Variants in ARHGAP6 observed in about 807,000 individuals in gnomAD.
ARHGAP6 encodes the protein rho GTPase-activating protein 6.
A neutral mutation model predicts 55.7 loss-of-function variants in ARHGAP6; 16 were observed. That is an observed-to-expected ratio of 0.29 (90% CI 0.19 to 0.44). The LOEUF (loss-of-function observed/expected upper bound fraction) is 0.44. Ranked by LOEUF, ARHGAP6 falls within the 20% of genes least tolerant of loss-of-function variation. ARHGAP6 has a pLI of 1.00. For missense variants in ARHGAP6, 698 were observed against 808.9 expected (o/e 0.86, Z 1.66); for synonymous variants, 382 against 360.9 (o/e 1.06, Z -0.66).
At chrX:11,561,681 C>T (rs1282904232) in intron 1 of ARHGAP6, among the ~76,000 whole-genome samples, 1 of 111,789 alleles carries the variant, frequency 8.9e-6, no homozygotes, top group Admixed American at 9.4e-5. Flanking sequence ...TGGCTATGAC[C>T]CCAAAGGAAA....
chrX:11,544,097 A>G (rs983492712), intron 1 of ARHGAP6, among the ~76,000 whole-genome samples: 1 of 112,251 alleles, frequency 8.9e-6, no homozygotes, highest in Non-Finnish European at 1.9e-5. Context: ...TCTTATATCT[A>G]GGCTGGTTCA....
chrX:11,319,629 A>G (rs2048406349), intron 1 of ARHGAP6, among the ~76,000 whole-genome samples: 1 of 112,533 alleles, frequency 8.9e-6, no homozygotes, highest in African/African-American at 3.2e-5. Flanking sequence ...AGTGTTAAAT[A>G]CTACACAAAA....
chrX:11,278,799 G>A (rs766518804), intron 1 of ARHGAP6, among the ~76,000 whole-genome samples: 2 of 110,909 alleles, frequency 1.8e-5, no homozygotes, highest in Admixed American at 9.6e-5. Flanking sequence ...ATCATAACTC[G>A]GAGTACCTCC....
chrX:11,152,372 G>T (rs989397931), intron 10 of ARHGAP6, among the ~76,000 whole-genome samples: 4 of 111,953 alleles, frequency 3.6e-5, no homozygotes, highest in African/African-American at 1.3e-4. Context: ...CCATCTGGCA[G>T]TTTAGGGTAC....
chrX:11,339,582 G>T (rs2048678889), intron 1 of ARHGAP6, among the ~76,000 whole-genome samples: 1 of 110,135 alleles, frequency 9.1e-6, no homozygotes, highest in Non-Finnish European at 1.9e-5. Flanking sequence ...TGAATAAATT[G>T]TTAATAATAC....
At chrX:11,357,752 G>C (rs985788920) in intron 1 of ARHGAP6, among the ~76,000 whole-genome samples, 3 of 111,606 alleles carry the variant, frequency 2.7e-5, no homozygotes, top group Non-Finnish European at 5.6e-5. Context: ...TATCCTACAA[G>C]TCATGAACAG....
intron 1 of ARHGAP6, among the ~76,000 whole-genome samples, chrX:11,300,220 C>A (rs1459730952): frequency 1.8e-5 from 2 of 111,614 alleles, no homozygotes; most frequent in East Asian, 5.6e-4. Context: ...TGACTTTGGG[C>A]AGATAGTTTG....
chrX:11,139,012 G>A lies in ARHGAP6; in HGVS notation c.2776C>T (p.Leu926=), dbSNP rs139894176. Residue 926 remains leucine (L), a synonymous_variant, in exon 13 of 13, where the codon CTG becomes TTG. Coordinates refer to ENST00000337414, the MANE Select transcript of ARHGAP6 (RefSeq NM_013427.3). ...EREQQVTQKK[L]SSANSLPAGE... is the part of the protein sequence containing the mutation. Reference sequence around the variant, plus strand: ...GCTGGCAGGGAGTTGGCGCTGCTCAGTTTTTTCTGCGTGACCTGCTGCTCT... The same window carrying A: ...GCTGGCAGGGAGTTGGCGCTGCTCAATTTTTTCTGCGTGACCTGCTGCTCT... 805 of 1,207,537 alleles carry A rather than the reference G, an allele frequency of 6.7e-4. No individual in the cohort carries two copies. In the African/African-American group the frequency reaches 0.012, roughly 18 times the overall value.
At chrX:11,624,943 C>G (rs905170219) in intron 1 of ARHGAP6, among the ~76,000 whole-genome samples, 7 of 111,659 alleles carry the variant, frequency 6.3e-5, no homozygotes, top group Non-Finnish European at 3.8e-5. Context: ...AAATGCAAAT[C>G]AAACCCACAA....
At chrX:11,610,379 T>G (rs1017755831) in intron 1 of ARHGAP6, among the ~76,000 whole-genome samples, 1 of 111,184 alleles carries the variant, frequency 9.0e-6, no homozygotes, top group African/African-American at 3.3e-5. Flanking sequence ...TTATAGGGAC[T>G]GTGCAAAGGT....
At chrX:11,629,934 C>T (rs935192599) in intron 1 of ARHGAP6, among the ~76,000 whole-genome samples, 4 of 111,613 alleles carry the variant, frequency 3.6e-5, no homozygotes, top group Non-Finnish European at 5.6e-5. Context: ...CAAAACAAAA[C>T]TTCTCCCAGC....
intron 1 of ARHGAP6, among the ~76,000 whole-genome samples, chrX:11,559,656 G>A (rs892679624): frequency 7.2e-5 from 8 of 111,133 alleles, no homozygotes; most frequent in African/African-American, 2.0e-4. Flanking sequence ...GGCCGGGCGC[G>A]GTGGCTCACG....
intron 1 of ARHGAP6, chrX:11,298,223 T>A (rs754218426): frequency 1.7e-5 from 21 of 1,210,989 alleles, no homozygotes; most frequent in Non-Finnish European, 2.0e-5. Flanking sequence ...TTCTAATATC[T>A]TTTTCTCTTA....
At chrX:11,201,760 C>T (rs1364109395) in intron 2 of ARHGAP6, among the ~76,000 whole-genome samples, 1 of 111,332 alleles carries the variant, frequency 9.0e-6, no homozygotes, top group African/African-American at 3.3e-5. Flanking sequence ...ACCAACAGAT[C>T]TTGTGAGAAC....
chrX:11,213,989 A>G (rs2046842162), intron 2 of ARHGAP6, among the ~76,000 whole-genome samples: 1 of 111,568 alleles, frequency 9.0e-6, no homozygotes, highest in Non-Finnish European at 1.9e-5. Context: ...AAACCGACAA[A>G]CATTTCTATA....
At chrX:11,508,045 A>C in intron 1 of ARHGAP6, among the ~76,000 whole-genome samples, 1 of 112,337 alleles carries the variant, frequency 8.9e-6, no homozygotes, top group Non-Finnish European at 1.9e-5. Context: ...CAAATAATGG[A>C]AAGGTACAAG....
chrX:11,292,699 G>C (rs1255822780), intron 1 of ARHGAP6, among the ~76,000 whole-genome samples: 1 of 111,926 alleles, frequency 8.9e-6, no homozygotes, highest in African/African-American at 3.2e-5. Flanking sequence ...GTGCTGTCTG[G>C]TGTGCACTCC....
intron 1 of ARHGAP6, among the ~76,000 whole-genome samples, chrX:11,626,030 T>A (rs892117830): frequency 8.9e-6 from 1 of 111,864 alleles, no homozygotes; most frequent in African/African-American, 3.2e-5. Flanking sequence ...AAACAAGATG[T>A]AATAAAATAT....
At chrX:11,441,864 G>GTT in intron 1 of ARHGAP6, among the ~76,000 whole-genome samples, 1 of 100,864 alleles carries the variant, frequency 9.9e-6, no homozygotes, top group South Asian at 4.3e-4. Flanking sequence ...CACTTGCCAG[G>GTT]TTTTTTTTTT....
Sources: allele counts gnomAD v4.1 joint callset (sites outside exome capture counted in the v4.1 genomes callset), GRCh38; gene constraint gnomAD v4.1.1; transcripts MANE v1.5; gene names NCBI Gene and HGNC (gene_info 2026-07-23, HGNC 2026-07-21).